Variants in CRB1 observed in about 807,000 individuals in gnomAD.
CRB1 encodes the protein protein crumbs homolog 1.
In CRB1, 83 loss-of-function variants were observed where a neutral mutation model predicts 120.0. The observed-to-expected ratio is 0.69, with a 90% CI of 0.58 to 0.83. CRB1 has a LOEUF of 0.83. Ranked by LOEUF, CRB1 falls within the 40% of genes least tolerant of loss-of-function variation. CRB1 has a pLI of 0.00. For synonymous variants in CRB1, 625 were observed against 612.5 expected (o/e 1.02, Z -0.30); for missense variants, 1,699 against 1,687.6 (o/e 1.01, Z -0.12).
intron 9 of CRB1, 73 bp from the exon 10 acceptor site, chr1:197,438,474 A>C: frequency 6.3e-7 from 1 of 1,584,350 alleles, no homozygotes; most frequent in Non-Finnish European, 8.6e-7. Flanking sequence ...TACATACATG[A>C]ATTTATCAGA....
At chr1:197,427,117 T>C (rs1333174079) in intron 6 of CRB1, among the ~76,000 whole-genome samples, 1 of 152,140 alleles carries the variant, frequency 6.6e-6, no homozygotes, top group African/African-American at 2.4e-5. Context: ...TATACCACCA[T>C]TAAGGCCCAT....
intron 1 of CRB1, among the ~76,000 whole-genome samples, chr1:197,319,454 A>AG (rs1352863127): frequency 0.032 from 4,442 of 140,270 alleles, 590 homozygotes; most frequent in African/African-American, 0.13. Context: ...AAAAAAAAAA[A>AG]AAAAGAAAGA....
intron 1 of CRB1, among the ~76,000 whole-genome samples, chr1:197,281,491 G>A (rs546637062): frequency 6.6e-6 from 1 of 151,848 alleles, no homozygotes; most frequent in African/African-American, 2.4e-5. Flanking sequence ...TCACGTGTTG[G>A]GAAGTGCCAT....
intron 5 of CRB1, among the ~76,000 whole-genome samples, chr1:197,384,480 C>T (rs372325054): frequency 5.9e-5 from 9 of 152,106 alleles, no homozygotes; most frequent in African/African-American, 2.2e-4. Flanking sequence ...CAAGCGTTTC[C>T]GTTTAAGACC....
intron 1 of CRB1, among the ~76,000 whole-genome samples, chr1:197,277,399 A>C (rs1470541990): frequency 6.6e-6 from 1 of 151,974 alleles, no homozygotes; most frequent in African/African-American, 2.4e-5. Flanking sequence ...AGTGCTAATG[A>C]GGCTGAGTTT....
the CRB1 span, among the ~76,000 whole-genome samples, chr1:197,203,595 G>T: frequency 6.6e-6 from 1 of 152,158 alleles, no homozygotes; most frequent in African/African-American, 2.4e-5. Flanking sequence ...AAAGAGCTGG[G>T]ATTATAGGTG....
At chr1:197,451,773 C>T (rs968678904) in intron 11 of CRB1, among the ~76,000 whole-genome samples, 3 of 152,160 alleles carry the variant, frequency 2.0e-5, no homozygotes, top group African/African-American at 7.2e-5. Context: ...GTTTAAATTG[C>T]GCTTTTCTTC....
intron 5 of CRB1, among the ~76,000 whole-genome samples, chr1:197,405,968 C>A (rs564139719): frequency 6.6e-6 from 1 of 151,266 alleles, no homozygotes; most frequent in East Asian, 2.0e-4. Flanking sequence ...GTCAGCCCCC[C>A]GCCCGGCCAG....
chr1:197,301,565 G>C (rs528137638), intron 1 of CRB1, among the ~76,000 whole-genome samples: 1 of 152,270 alleles, frequency 6.6e-6, no homozygotes, highest in South Asian at 2.1e-4. Flanking sequence ...AAACCATCTG[G>C]GAAGGATTCA....
chr1:197,363,997 C>A, intron 5 of CRB1: 1 of 1,386,854 alleles, frequency 7.2e-7, no homozygotes, highest in Non-Finnish European at 1.0e-6. Context: ...TGAAAAGTGC[C>A]GGCGGATCTA....
chr1:197,405,532 C>T (rs1408456871), intron 5 of CRB1, among the ~76,000 whole-genome samples: 3 of 151,674 alleles, frequency 2.0e-5, no homozygotes, highest in Admixed American at 6.6e-5. Context: ...TCTGCCTGGC[C>T]GCCCATCGTC....
chr1:197,282,515 G>A (rs555615329), intron 1 of CRB1, among the ~76,000 whole-genome samples: 1 of 151,948 alleles, frequency 6.6e-6, no homozygotes, highest in South Asian at 2.1e-4. Context: ...TAACCTTAAT[G>A]TTATTAACCA....
At chr1:197,466,198 A>G (rs1316563446) in intron 11 of CRB1, among the ~76,000 whole-genome samples, 1 of 152,154 alleles carries the variant, frequency 6.6e-6, no homozygotes, top group Non-Finnish European at 1.5e-5. Flanking sequence ...ATTAATCAAC[A>G]CTTATGCAGG....
chr1:197,457,280 A>G (rs1353634889), intron 11 of CRB1, among the ~76,000 whole-genome samples: 1 of 152,098 alleles, frequency 6.6e-6, no homozygotes, highest in Non-Finnish European at 1.5e-5. Context: ...AACTATGCTC[A>G]GGTCATTATA....
chr1:197,335,426 C>A (rs1047201782), intron 2 of CRB1, among the ~76,000 whole-genome samples: 2 of 152,130 alleles, frequency 1.3e-5, no homozygotes, highest in Non-Finnish European at 2.9e-5. Context: ...GAGGTTAATA[C>A]AATAGTCCAA....
intron 1 of CRB1, among the ~76,000 whole-genome samples, chr1:197,300,515 G>A (rs902094089): frequency 2.7e-5 from 4 of 150,736 alleles, no homozygotes; most frequent in Middle Eastern, 3.4e-3. Flanking sequence ...TATGAAGGCT[G>A]AGAGAAATAA....
intron 11 of CRB1, among the ~76,000 whole-genome samples, chr1:197,462,278 C>T (rs572167296): frequency 6.6e-6 from 1 of 152,028 alleles, no homozygotes; most frequent in South Asian, 2.1e-4. Flanking sequence ...AATTCAGGCA[C>T]CATAAATAAT....
At chr1:197,453,167 G>A (rs935727210) in intron 11 of CRB1, among the ~76,000 whole-genome samples, 8 of 151,478 alleles carry the variant, frequency 5.3e-5, no homozygotes, top group African/African-American at 1.9e-4. Flanking sequence ...ATATCTAGAA[G>A]AGTCAAACTC....
chr1:197,274,248 C>T (rs1489211513), intron 1 of CRB1, among the ~76,000 whole-genome samples: 1 of 152,050 alleles, frequency 6.6e-6, no homozygotes, highest in Non-Finnish European at 1.5e-5. Context: ...ACTGTTAACC[C>T]ATACTCCTAT....
Sources: gnomAD v4.1 joint callset for allele counts (sites outside exome capture counted in the v4.1 genomes callset) on GRCh38, gnomAD v4.1.1 for gene constraint, MANE v1.5 for transcripts, NCBI Gene and HGNC (gene_info 2026-07-23, HGNC 2026-07-21) for gene names.